The following ARHGEF11 variants were observed in gnomAD, a reference collection of about 807,000 sequenced individuals.
ARHGEF11 encodes Rho guanine nucleotide exchange factor 11, also known as Rho guanine exchange factor (GEF) 11.
A neutral mutation model predicts 193.7 loss-of-function variants in ARHGEF11; 55 were observed. That is an observed-to-expected ratio of 0.28 (90% CI 0.23 to 0.36). The LOEUF (loss-of-function observed/expected upper bound fraction) is 0.36. ARHGEF11 is among the 10% of genes least tolerant of loss of function. The pLI is 1.00. For missense variants in ARHGEF11, 1,723 were observed against 2,005.6 expected, an observed-to-expected ratio of 0.86 and a Z score of 2.69; for synonymous variants, 693 against 768.0, an observed-to-expected ratio of 0.90 and a Z score of 1.62.
chr1:156,946,009 CA>C (rs1214911013), intron 29 of ARHGEF11, 35 bp downstream of exon 29: 2 of 1,558,462 alleles, frequency 1.3e-6, no homozygotes, highest in Non-Finnish European at 1.8e-6. Flanking sequence ...GCACGAGGCC[CA>C]CTGCCTGTGA....
intron 13 of ARHGEF11, among the ~76,000 whole-genome samples, chr1:156,961,977 G>T (rs1660928399): frequency 6.6e-6 from 1 of 152,190 alleles, no homozygotes; most frequent in South Asian, 2.1e-4. Context: ...CCACAACAAA[G>T]AATTCTCCAG....
At chr1:157,014,908 T>C (rs932116390) in intron 1 of ARHGEF11, among the ~76,000 whole-genome samples, 4 of 152,204 alleles carry the variant, frequency 2.6e-5, no homozygotes, top group Admixed American at 2.0e-4. Context: ...TTTGTAACAA[T>C]GCGGACTCTC....
At chr1:156,992,574 G>A (rs758138195) in intron 1 of ARHGEF11, among the ~76,000 whole-genome samples, 32 of 151,206 alleles carry the variant, frequency 2.1e-4, no homozygotes, top group South Asian at 4.2e-4. Context: ...GTTGGTCTGC[G>A]GTGTGTCTGT....
At chr1:156,977,361 A>T (rs1347862638) in intron 6 of ARHGEF11, among the ~76,000 whole-genome samples, 2 of 151,050 alleles carry the variant, frequency 1.3e-5, no homozygotes, top group African/African-American at 2.4e-5. Context: ...TCCTCTTTTA[A>T]CTCTTCACAT....
At chr1:156,980,332 G>A in intron 4 of ARHGEF11, 105 bp downstream of exon 4, 2 of 1,380,108 alleles carry the variant, frequency 1.4e-6, no homozygotes, top group Non-Finnish European at 2.0e-6. Context: ...TGGCTGCCTG[G>A]CAGTTGGTAT....
intron 1 of ARHGEF11, among the ~76,000 whole-genome samples, chr1:157,034,015 G>A (rs1449828047): frequency 6.6e-6 from 1 of 152,200 alleles, no homozygotes; most frequent in Non-Finnish European, 1.5e-5. Flanking sequence ...CTAGCACTAC[G>A]ATAAGTGAAG....
intron 1 of ARHGEF11, among the ~76,000 whole-genome samples, chr1:156,991,995 C>T (rs969791687): frequency 3.3e-5 from 5 of 152,006 alleles, no homozygotes; most frequent in South Asian, 2.1e-4. Flanking sequence ...GGATTACAGG[C>T]GTGAGCCACC....
intron 37 of ARHGEF11, 149 bp downstream of exon 37, chr1:156,939,399 C>T: frequency 7.6e-6 from 8 of 1,049,278 alleles, no homozygotes; most frequent in South Asian, 3.0e-5. Context: ...TGCCTGATAT[C>T]GGCGTTGTCT....
rs145625380 is a variant in ARHGEF11 at position 156,974,104 on chromosome 1, C to G, written c.583-2288G>C. ...TTTTTTTTTGAGACAGGGTCTTGCT[C>G]TGTCACTCAGGCTGGAGTGCAGTGG... is the stretch of plus-strand genomic sequence containing the variant. On this transcript the variant is annotated intron_variant, in intron 7 of 40. Transcript: ENST00000368194. Among the ~76,000 whole-genome samples, 188 of 151,864 alleles carry G rather than the reference C, an allele frequency of 1.2e-3. 1 individual carries two copies. The highest frequency in any genetic ancestry group is 1.5e-3 in the Non-Finnish European group (105 of 67,968).
chr1:157,023,035 A>G (rs1276568233), intron 1 of ARHGEF11, among the ~76,000 whole-genome samples: 2 of 152,238 alleles, frequency 1.3e-5, no homozygotes, highest in Non-Finnish European at 2.9e-5. Flanking sequence ...GAGTTAAACT[A>G]TGAAACTCTT....
At chr1:156,982,534 T>C (rs997349486) in intron 3 of ARHGEF11, among the ~76,000 whole-genome samples, 1 of 152,234 alleles carries the variant, frequency 6.6e-6, no homozygotes. Context: ...AACACACACA[T>C]GCACACAGGG....
At chr1:156,982,518 C>T (rs1266032883) in intron 3 of ARHGEF11, among the ~76,000 whole-genome samples, 1 of 152,142 alleles carries the variant, frequency 6.6e-6, no homozygotes, top group Non-Finnish European at 1.5e-5. Context: ...TTTTACTCTC[C>T]TCCCCAACAC....
At chr1:156,987,475 ATATT>A (rs111705651) in intron 1 of ARHGEF11, among the ~76,000 whole-genome samples, 16 of 152,372 alleles carry the variant, frequency 1.1e-4, no homozygotes, top group African/African-American at 3.8e-4. Flanking sequence ...ATATGTTTAA[ATATT>A]TATTTACATA....
chr1:157,013,836 G>A (rs1216431988), intron 1 of ARHGEF11, among the ~76,000 whole-genome samples: 1 of 152,116 alleles, frequency 6.6e-6, no homozygotes, highest in African/African-American at 2.4e-5. Context: ...AGGTATCAAC[G>A]TCCTCTCAGC....
rs1434246037 is a variant in ARHGEF11, at chr1:156,951,635, T to C, written c.1863A>G (p.Pro621=). 1 of 1,614,228 alleles carries C rather than the reference T, an allele frequency of 6.2e-7. No individual in the cohort carries two copies. The highest frequency in any genetic ancestry group is 8.5e-7 in the Non-Finnish European group (1 of 1,180,034). Residue 621 remains proline, a synonymous_variant, in exon 22 of 41, where the codon CCA becomes CCG. Transcript: ENST00000368194. ...TCGAGAGTCGTTGTGTCCCAGGTTC[T>C]GGGGCATCATACTGCTGGTTGTTCT... The part of the protein sequence containing the change: ...HFENNQQYDA[P]EPGTQRLSTG...
rs1193191711 is a variant in ARHGEF11, at chr1:156,936,053, C to CA, written c.4635dup (p.Asp1546Ter). On this transcript the variant is annotated frameshift_variant, in exon 41 of 41. Transcript: ENST00000368194. LOFTEE classifies it low-confidence loss of function (END_TRUNC). ...GCTGTGCTGTCTTCCAGGGGGGCGTCAGAGCCTGTGGGAGGAGGATGAAGG... is the reference window on the plus strand; with the variant it reads ...GCTGTGCTGTCTTCCAGGGGGGCGTCAAGAGCCTGTGGGAGGAGGATGAAGG... 6.2e-7 allele frequency: 1 copy of CA among 1,614,038 alleles called. No individual in the cohort carries two copies. The highest frequency in any genetic ancestry group is 1.1e-5 in the South Asian group (1 of 91,064).
In ARHGEF11 at chr1:156,934,905, TA is replaced by T. The variant is rs1210263252; in HGVS notation, c.*1094del. ...ATGAAAGGAAGAAAATAAAAGAGTA[TA>T]CATTATCTTAACAGCAGAACAGTCA... On this transcript the variant is annotated 3_prime_UTR_variant, in exon 41 of 41. Transcript: ENST00000368194. The T allele has an allele frequency of 6.7e-6, 1 of 149,810 alleles. No homozygotes were observed. Among genetic ancestry groups the T allele is most frequent in the African/African-American group, 2.4e-5 (1 of 40,972 alleles). 9.3% of individuals were successfully genotyped at this position (149,810 alleles called of 1,614,324 possible).
At chr1:156,939,938 C>G (rs375929380) in intron 36 of ARHGEF11, 28 bp from the exon 37 acceptor site, 1 of 1,596,592 alleles carries the variant, frequency 6.3e-7, no homozygotes, top group Non-Finnish European at 8.5e-7. Flanking sequence ...TGATGTCTTC[C>G]CAGCATGGGA....
intron 1 of ARHGEF11, among the ~76,000 whole-genome samples, chr1:157,038,583 C>T (rs1672356666): frequency 6.6e-6 from 1 of 152,214 alleles, no homozygotes; most frequent in Non-Finnish European, 1.5e-5. Context: ...AGGCCTTCAA[C>T]CTGTCTTTAC....
Sources: gnomAD v4.1 joint callset for allele counts (sites outside exome capture counted in the v4.1 genomes callset) on GRCh38, gnomAD v4.1.1 for gene constraint, MANE v1.5 for transcripts, NCBI Gene and HGNC (gene_info 2026-07-23, HGNC 2026-07-21) for gene names.